Variants in IMPG2 observed in about 807,000 individuals in gnomAD.
The protein encoded by IMPG2 is interphotoreceptor matrix proteoglycan 2.
Under a neutral mutation model 129.2 loss-of-function variants are expected in IMPG2, and 91 were observed. The ratio of observed to expected loss-of-function variants is 0.70; its 90% confidence interval spans 0.59 to 0.84. The LOEUF (loss-of-function observed/expected upper bound fraction) is 0.84, where lower values mean the gene tolerates loss of function less well. Among genes scored for constraint, IMPG2 ranks in the 40% least tolerant of loss-of-function variants. IMPG2 has a pLI of 0.00. For synonymous variants in IMPG2, 510 were observed against 517.7 expected, an observed-to-expected ratio of 0.99 and a Z score of 0.20; for missense variants, 1,430 against 1,461.7, an observed-to-expected ratio of 0.98 and a Z score of 0.35.
rs368279080 is a variant in IMPG2 at position 101,233,981 on chromosome 3, A to G, written c.3023-990T>C. On this transcript the variant is annotated intron_variant, in intron 14 of 18. Coordinates refer to ENST00000193391, the MANE Select transcript of IMPG2 (RefSeq NM_016247.4). ...CCTTGCTGCTCTGGAAATTGAAGAC[A>G]ATTTTGCACAAGTCTGTGCCCTTGG... is the stretch of plus-strand genomic sequence containing the variant. Among the ~76,000 whole-genome samples, 17 of 151,978 alleles carry G rather than the reference A, an allele frequency of 1.1e-4. 1 individual carries two copies. Among genetic ancestry groups the G allele is most frequent in the African/African-American group, 4.1e-4 (17 of 41,464 alleles).
intron 3 of IMPG2, among the ~76,000 whole-genome samples, chr3:101,300,227 G>A (rs955793342): frequency 2.0e-5 from 3 of 152,216 alleles, no homozygotes; most frequent in African/African-American, 7.2e-5. Context: ...TACCTCTTGG[G>A]AGCAAGCCGT....
intron 2 of IMPG2, among the ~76,000 whole-genome samples, chr3:101,317,975 A>G (rs1047685819): frequency 6.6e-6 from 1 of 151,704 alleles, no homozygotes; most frequent in Non-Finnish European, 1.5e-5. Flanking sequence ...CAAAAAAACA[A>G]AACAAAAAAA....
chr3:101,320,144 A>G (rs1209264914), intron 1 of IMPG2, 144 bp downstream of exon 1: 5 of 677,766 alleles, frequency 7.4e-6, no homozygotes, highest in Non-Finnish European at 1.3e-5. Flanking sequence ...GATATTTTAA[A>G]ACGGTTTAAA....
chr3:101,267,969 CT>C (rs1706739634), intron 8 of IMPG2, among the ~76,000 whole-genome samples: 1 of 151,976 alleles, frequency 6.6e-6, no homozygotes, highest in South Asian at 2.1e-4. Context: ...ACTGCATAAC[CT>C]TTAATATTTA....
Position 101,232,766 on chromosome 3 carries a change from G to C in IMPG2, c.3233+15C>G. 1 of 1,611,648 alleles carries C rather than the reference G, an allele frequency of 6.2e-7. No homozygotes were observed. Among genetic ancestry groups the C allele is most frequent in the Admixed American group, 1.7e-5 (1 of 59,950 alleles). ...TCTATAGCCTCTAAAGTCAAAATCT[G>C]TAACTACAACATACCTACAAATGGC... On this transcript the variant is annotated intron_variant, in intron 15 of 18. Coordinates refer to ENST00000193391, the MANE Select transcript of IMPG2 (RefSeq NM_016247.4).
chr3:101,307,439 C>A (rs771375500), intron 2 of IMPG2, among the ~76,000 whole-genome samples: 12 of 152,162 alleles, frequency 7.9e-5, no homozygotes, highest in Non-Finnish European at 1.3e-4. Context: ...ACTCACAGTT[C>A]CACATGGGTG....
intron 12 of IMPG2, 106 bp from the exon 13 acceptor site, chr3:101,244,893 G>A: frequency 3.3e-6 from 3 of 921,144 alleles, no homozygotes; most frequent in South Asian, 1.4e-5. Flanking sequence ...AGTTAAGAGG[G>A]ACAATTGTTG....
At chr3:101,239,506 C>G (rs1031621908) in intron 14 of IMPG2, among the ~76,000 whole-genome samples, 1 of 152,166 alleles carries the variant, frequency 6.6e-6, no homozygotes, top group Non-Finnish European at 1.5e-5. Context: ...TTAGTTCAAC[C>G]ATTGTGGAAG....
chr3:101,288,943 C>T (rs927506654), intron 4 of IMPG2, among the ~76,000 whole-genome samples: 5 of 152,270 alleles, frequency 3.3e-5, no homozygotes, highest in Admixed American at 1.3e-4. Flanking sequence ...TAAACAAAGT[C>T]AACCAAAGCA....
intron 9 of IMPG2, among the ~76,000 whole-genome samples, chr3:101,261,162 G>A (rs931928489): frequency 6.6e-5 from 10 of 152,132 alleles, no homozygotes; most frequent in African/African-American, 1.4e-4. Context: ...AAGTCTTAGC[G>A]TGATAGACCA....
chr3:101,251,566 T>C (rs1473594338), intron 11 of IMPG2, among the ~76,000 whole-genome samples: 1 of 152,200 alleles, frequency 6.6e-6, no homozygotes, highest in African/African-American at 2.4e-5. Context: ...AACTTTATTA[T>C]ATTGGCCAGT....
At chr3:101,319,492 A>G in intron 2 of IMPG2, 92 bp downstream of exon 2, 1 of 1,479,684 alleles carries the variant, frequency 6.8e-7, no homozygotes, top group Non-Finnish European at 9.4e-7. Context: ...TGTCTAAATT[A>G]TCGTAAATTT....
At chr3:101,234,738 G>C (rs901111042) in intron 14 of IMPG2, among the ~76,000 whole-genome samples, 1 of 152,160 alleles carries the variant, frequency 6.6e-6, no homozygotes, top group Non-Finnish European at 1.5e-5. Flanking sequence ...GAGGAAGATG[G>C]TACTGCATAG....
At chr3:101,309,722 C>A (rs568944648) in intron 2 of IMPG2, among the ~76,000 whole-genome samples, 1 of 152,256 alleles carries the variant, frequency 6.6e-6, no homozygotes, top group South Asian at 2.1e-4. Context: ...CCTAGGTATT[C>A]CTGTAAGCAT....
chr3:101,248,496 T>A (rs1026120625), intron 11 of IMPG2, among the ~76,000 whole-genome samples: 1 of 152,204 alleles, frequency 6.6e-6, no homozygotes, highest in Non-Finnish European at 1.5e-5. Context: ...TTATGCTTTG[T>A]CTTCACAGTG....
Position 101,309,793 on chromosome 3 carries a change from T to C in IMPG2, c.335-5481A>G, listed in dbSNP as rs533732180. 6.6e-5 allele frequency among the ~76,000 whole-genome samples: 10 copies of C among 152,074 alleles called. No homozygotes were observed. In the East Asian group the frequency reaches 1.9e-3, roughly 29 times the overall value. ...AACTTTATTCATAATAACTTAAAAATGAAAACAACCCAAGTATCCATCAAT... is the reference window on the plus strand; with the variant it reads ...AACTTTATTCATAATAACTTAAAAACGAAAACAACCCAAGTATCCATCAAT... On this transcript the variant is annotated intron_variant, in intron 2 of 18. Coordinates refer to ENST00000193391, the MANE Select transcript of IMPG2 (RefSeq NM_016247.4).
intron 11 of IMPG2, among the ~76,000 whole-genome samples, chr3:101,246,486 A>G (rs1443111243): frequency 6.6e-6 from 1 of 152,210 alleles, no homozygotes. Flanking sequence ...GTTGGCAAAG[A>G]TCTAAGTACA....
Position 101,243,695 on chromosome 3 carries a change from C to T in IMPG2, c.2636G>A (p.Ser879Asn). 6.2e-7 allele frequency: 1 copy of T among 1,614,120 alleles called. No homozygotes were observed. The highest frequency in any genetic ancestry group is 8.5e-7 in the Non-Finnish European group (1 of 1,180,000). Residue 879 changes from serine to asparagine, a missense_variant, in exon 13 of 19, where the codon AGT (serine) becomes AAT (asparagine). Physicochemically the swap from Ser to Asn is conservative, Grantham distance 46. Coordinates refer to ENST00000193391, the MANE Select transcript of IMPG2 (RefSeq NM_016247.4). ...STSVHSTEMVSVAWPTEGGDD... is the reference protein window; with the variant it reads ...STSVHSTEMVNVAWPTEGGDD... ...TCCTCCTTCTGTGGGCCAAGCCACA[C>T]TAACCATCTCTGTGGAGTGAACACT...
rs1182092870 is a variant in IMPG2 at position 101,225,332 on chromosome 3, A to T, written c.*1637T>A. 1 of 152,290 alleles carries T rather than the reference A, an allele frequency of 6.6e-6. No individual in the cohort carries two copies. The highest frequency in any genetic ancestry group is 2.4e-5 in the African/African-American group (1 of 41,482). The allele number at this position is 152,290 out of a possible 1,614,324, so 9.4% of individuals were successfully genotyped here. ...AGAGGATCCATTATGTGAGTAGGGA[A>T]TGAAAGGAAATGCTAGGATAAGGGA... is the stretch of plus-strand genomic sequence containing the variant. On this transcript the variant is annotated 3_prime_UTR_variant, in exon 19 of 19. Coordinates refer to ENST00000193391, the MANE Select transcript of IMPG2 (RefSeq NM_016247.4).
Sources: gnomAD v4.1 joint callset for allele counts (sites outside exome capture counted in the v4.1 genomes callset) on GRCh38, gnomAD v4.1.1 for gene constraint, MANE v1.5 for transcripts, NCBI Gene and HGNC (gene_info 2026-07-23, HGNC 2026-07-21) for gene names.